Variants in FHIT observed in about 807,000 individuals in gnomAD.
FHIT encodes the protein fragile histidine triad diadenosine triphosphatase.
A neutral mutation model predicts 17.9 loss-of-function variants in FHIT; 19 were observed. The ratio of observed to expected loss-of-function variants is 1.06; its 90% confidence interval spans 0.74 to 1.56. The LOEUF is 1.56. FHIT is among the 40% of genes most tolerant of loss of function. The pLI is 0.00. For synonymous variants in FHIT, 81 were observed against 69.7 expected, an observed-to-expected ratio of 1.16 and a Z score of -0.81; for missense variants, 248 against 189.2, an observed-to-expected ratio of 1.31 and a Z score of -1.82.
At chr3:60,578,151 C>A (rs2037632187) in intron 4 of FHIT, among the ~76,000 whole-genome samples, 2 of 152,060 alleles carry the variant, frequency 1.3e-5, no homozygotes, top group South Asian at 2.1e-4. Flanking sequence ...AAAGTGCACA[C>A]TTTAGTGCCC....
At chr3:60,993,204 A>G (rs1272014644) in intron 3 of FHIT, among the ~76,000 whole-genome samples, 2 of 152,240 alleles carry the variant, frequency 1.3e-5, no homozygotes, top group East Asian at 3.8e-4. Flanking sequence ...GAAAAACACT[A>G]TCAAATAATA....
chr3:60,863,322 C>A (rs1704006376), intron 3 of FHIT, among the ~76,000 whole-genome samples: 1 of 152,100 alleles, frequency 6.6e-6, no homozygotes, highest in African/African-American at 2.4e-5. Flanking sequence ...TCTGCAGTCT[C>A]CAGTAAGAAA....
chr3:60,566,692 T>C (rs897207032), intron 4 of FHIT, among the ~76,000 whole-genome samples: 3 of 152,164 alleles, frequency 2.0e-5, no homozygotes, highest in African/African-American at 7.2e-5. Context: ...GATGACATGA[T>C]TGTATATCTA....
Position 60,086,642 on chromosome 3 carries a change from G to C in FHIT, c.104-72490C>G, listed in dbSNP as rs532687614. On this transcript the variant is annotated intron_variant, in intron 5 of 9. Coordinates refer to ENST00000492590, the MANE Select transcript of FHIT (RefSeq NM_002012.4). ...AAAAGAAAGAGAAAACAGGCCCTGTGCAAGTCTGAAACTTAGCCGGGCAGA... is the reference window on the plus strand; with the variant it reads ...AAAAGAAAGAGAAAACAGGCCCTGTCCAAGTCTGAAACTTAGCCGGGCAGA... Among the ~76,000 whole-genome samples the C allele has an allele frequency of 1.2e-4, 18 of 152,332 alleles. No individual in the cohort carries two copies. In the South Asian group the frequency reaches 3.5e-3, roughly 30 times the overall value.
At chr3:61,085,138 TCCA>T (rs2035265834) in intron 2 of FHIT, among the ~76,000 whole-genome samples, 3 of 152,306 alleles carry the variant, frequency 2.0e-5, no homozygotes, top group East Asian at 3.9e-4. Flanking sequence ...ATTTCATTTC[TCCA>T]CAAGTTTTCA....
At chr3:61,123,061 CA>C (rs138096854) in intron 2 of FHIT, among the ~76,000 whole-genome samples, 152,323 of 152,324 alleles carry the variant, frequency 1, 76,161 homozygotes, top group Non-Finnish European at 1. Context: ...CATGTATGTT[CA>C]ATTGCAGCTG....
At chr3:61,022,732 A>G (rs2032515766) in intron 3 of FHIT, among the ~76,000 whole-genome samples, 1 of 152,258 alleles carries the variant, frequency 6.6e-6, no homozygotes, top group South Asian at 2.1e-4. Flanking sequence ...AAACAGAACC[A>G]ATGACAAAAA....
intron 5 of FHIT, among the ~76,000 whole-genome samples, chr3:60,466,133 G>A (rs2032777902): frequency 6.6e-6 from 1 of 151,738 alleles, no homozygotes; most frequent in African/African-American, 2.4e-5. Flanking sequence ...CTAGGTAGTT[G>A]ATTTGTAGTT....
chr3:61,235,780 A>G (rs763809640), intron 1 of FHIT, among the ~76,000 whole-genome samples: 8 of 152,200 alleles, frequency 5.3e-5, no homozygotes, highest in Non-Finnish European at 1.0e-4. Context: ...AGCGTTCCCT[A>G]TGATAAATGA....
chr3:60,014,848 T>C lies in FHIT; in HGVS notation c.104-696A>G, dbSNP rs112387308. On this transcript the variant is annotated intron_variant, in intron 5 of 9. Transcript: ENST00000492590. The stretch of plus-strand genomic sequence containing the variant: ...GTTTATTCAAATAAAGCATTCTTAA[T>C]GCATTCTACAAGTTAGACAAGGCAA... Among the ~76,000 whole-genome samples the C allele has an allele frequency of 8.9e-3, 1,350 of 152,274 alleles. 10 individuals are homozygous for C. Among genetic ancestry groups the C allele is most frequent in the Middle Eastern group, 0.041 (12 of 294 alleles).
intron 5 of FHIT, among the ~76,000 whole-genome samples, chr3:60,258,065 TACACACACAC>T (rs67553597): frequency 6.2e-5 from 9 of 144,596 alleles, no homozygotes; most frequent in East Asian, 4.1e-4. Flanking sequence ...GGAAATTAAA[TACACACACAC>T]ACACACACAC....
rs190946553 is a variant in FHIT at position 59,903,023 on chromosome 3, A to G, written c.348+19323T>C. 5.3e-5 allele frequency among the ~76,000 whole-genome samples: 8 copies of G among 152,344 alleles called. No individual in the cohort carries two copies. The East Asian group carries it at 1.5e-3, about 29-fold the overall frequency. ...AGCTTGGTTGTGGTAACCATATCACAATGTATACGTATGTTAAATCATCAC... is the reference window on the plus strand; with the variant it reads ...AGCTTGGTTGTGGTAACCATATCACGATGTATACGTATGTTAAATCATCAC... On this transcript the variant is annotated intron_variant, in intron 8 of 9. Transcript: ENST00000492590.
At chr3:60,736,579 G>A (rs1553712652) in intron 4 of FHIT, among the ~76,000 whole-genome samples, 1 of 152,186 alleles carries the variant, frequency 6.6e-6, no homozygotes, top group Non-Finnish European at 1.5e-5. Flanking sequence ...TATGTGAAAT[G>A]TCCAGAATAG....
intron 3 of FHIT, among the ~76,000 whole-genome samples, chr3:60,934,774 C>A (rs1329502093): frequency 6.6e-6 from 1 of 151,782 alleles, no homozygotes; most frequent in Non-Finnish European, 1.5e-5. Context: ...AGCTTTGAGG[C>A]AATGTTGAAG....
At chr3:60,837,335 T>G (rs1229760912) in intron 3 of FHIT, among the ~76,000 whole-genome samples, 1 of 152,210 alleles carries the variant, frequency 6.6e-6, no homozygotes, top group Non-Finnish European at 1.5e-5. Context: ...GTTGCCTAGT[T>G]ACAATATTGG....
At chr3:60,188,916 A>C (rs575562283) in intron 5 of FHIT, among the ~76,000 whole-genome samples, 1 of 152,252 alleles carries the variant, frequency 6.6e-6, no homozygotes, top group Non-Finnish European at 1.5e-5. Context: ...TTAAAAATAG[A>C]TTACACTTCT....
At chr3:60,920,786 A>G (rs1553768157) in intron 3 of FHIT, among the ~76,000 whole-genome samples, 1 of 152,182 alleles carries the variant, frequency 6.6e-6, no homozygotes, top group Admixed American at 6.5e-5. Flanking sequence ...GAAGCCTTTG[A>G]AAGACTTTCA....
In FHIT at chr3:60,229,072, C is replaced by T. The variant is rs188669799; in HGVS notation, c.104-214920G>A. The stretch of plus-strand genomic sequence containing the variant: ...AATAACCCAGCATATGTACGAACTG[C>T]TTACTGACTTCTTACTATGTTGCAG... On this transcript the variant is annotated intron_variant, in intron 5 of 9. Coordinates refer to ENST00000492590, the MANE Select transcript of FHIT (RefSeq NM_002012.4). Among the ~76,000 whole-genome samples, 4 of 152,312 alleles carry T rather than the reference C, an allele frequency of 2.6e-5. No individual in the cohort carries two copies. In the East Asian group the frequency reaches 7.7e-4, roughly 29 times the overall value.
chr3:60,056,644 T>A (rs958976585), intron 5 of FHIT, among the ~76,000 whole-genome samples: 1 of 152,256 alleles, frequency 6.6e-6, no homozygotes, highest in Non-Finnish European at 1.5e-5. Flanking sequence ...CCGGTCTCCA[T>A]GTCATGCAGA....
Sources: allele counts gnomAD v4.1 joint callset (sites outside exome capture counted in the v4.1 genomes callset), GRCh38; gene constraint gnomAD v4.1.1; transcripts MANE v1.5; gene names NCBI Gene and HGNC (gene_info 2026-07-23, HGNC 2026-07-21).